TDP2: variants seen among roughly 807,000 people sequenced by gnomAD.
TDP2 encodes the protein tyrosyl-DNA phosphodiesterase 2, also known as 5'-Tyr-DNA phosphodiesterase.
In TDP2, 38 loss-of-function variants were observed where a neutral mutation model predicts 42.8. That is an observed-to-expected ratio of 0.89 (90% confidence interval 0.68 to 1.16). The LOEUF (loss-of-function observed/expected upper bound fraction) is 1.16. Ranked by LOEUF, TDP2 falls within the 50% of genes most tolerant of loss-of-function variation. TDP2 has a pLI of 0.00. For missense variants in TDP2, 439 were observed against 439.3 expected (o/e 1.00, Z 0.01); for synonymous variants, 173 against 150.6 (o/e 1.15, Z -1.09).
In TDP2 at chr6:24,653,142, T is replaced by G. The variant is rs149606674; in HGVS notation, c.648A>C (p.Ser216=). 41 of 1,614,048 alleles carry G rather than the reference T, an allele frequency of 2.5e-5. No individual in the cohort carries two copies. In the African/African-American group the frequency reaches 4.9e-4, roughly 19 times the overall value. The change falls in exon 6 of 7, where the codon TCA becomes TCC. Residue 216 remains serine, a synonymous_variant. Coordinates refer to ENST00000378198, the MANE Select transcript of TDP2 (RefSeq NM_016614.3). ...ATGTCATAAGGCAAAGCTCATTTCCTGACACGTTCACCTGCAGCAGGACAA... is the reference window on the plus strand; with the variant it reads ...ATGTCATAAGGCAAAGCTCATTTCCGGACACGTTCACCTGCAGCAGGACAA... ...RNLLCVHVNV[S]GNELCLMTSH...
At chr6:24,654,833 G>A (rs890718677) in intron 4 of TDP2, among the ~76,000 whole-genome samples, 1 of 152,118 alleles carries the variant, frequency 6.6e-6, no homozygotes, top group Non-Finnish European at 1.5e-5. Context: ...CTGAGGTCAG[G>A]AGTTTGAGAC....
At chr6:24,655,965 A>T (rs1222191465) in intron 4 of TDP2, among the ~76,000 whole-genome samples, 1 of 152,208 alleles carries the variant, frequency 6.6e-6, no homozygotes, top group African/African-American at 2.4e-5. Context: ...ACTAAACTGT[A>T]ATCAACATTT....
intron 6 of TDP2, 165 bp downstream of exon 6, chr6:24,652,818 T>C (rs1777995740): frequency 7.3e-6 from 5 of 685,770 alleles, no homozygotes; most frequent in Admixed American, 5.6e-5. Context: ...CTTCTTCCCC[T>C]AGGCATACAG....
chr6:24,665,710 A>G (rs1001636454), intron 2 of TDP2, among the ~76,000 whole-genome samples: 11 of 152,340 alleles, frequency 7.2e-5, no homozygotes, highest in African/African-American at 2.6e-4. Flanking sequence ...ATGAACAGCA[A>G]TTATAATACG....
intron 4 of TDP2, among the ~76,000 whole-genome samples, chr6:24,655,493 C>T (rs529456186): frequency 6.6e-5 from 10 of 152,258 alleles, no homozygotes; most frequent in Admixed American, 2.6e-4. Context: ...AAGAGGAGGG[C>T]CAGTTCAAGG....
intron 6 of TDP2, 131 bp from the exon 7 acceptor site, chr6:24,651,200 T>C: frequency 4.2e-6 from 3 of 716,644 alleles, no homozygotes; most frequent in Non-Finnish European, 4.5e-6. Context: ...AACAATGAGA[T>C]ACATTATAAA....
intron 2 of TDP2, among the ~76,000 whole-genome samples, chr6:24,663,893 A>C (rs951349133): frequency 6.6e-6 from 1 of 152,234 alleles, no homozygotes; most frequent in Non-Finnish European, 1.5e-5. Context: ...AACACCCACA[A>C]TATTTAATAT....
In TDP2 at chr6:24,651,088, C is replaced by T; in HGVS notation, c.808-19G>A. 5.1e-6 allele frequency: 8 copies of T among 1,575,034 alleles called. No homozygotes were observed. The highest frequency in any genetic ancestry group is 6.9e-6 in the Non-Finnish European group (8 of 1,152,814). ...TGGTAACCTGAAAAGAAGAAGAATACTCTCTAAGATACACATAGCCTTTTG... is the reference window on the plus strand; with the variant it reads ...TGGTAACCTGAAAAGAAGAAGAATATTCTCTAAGATACACATAGCCTTTTG... On this transcript the variant is annotated intron_variant, in intron 6 of 6. Coordinates refer to ENST00000378198, the MANE Select transcript of TDP2 (RefSeq NM_016614.3).
At chr6:24,665,305 GA>G (rs1778212666) in intron 2 of TDP2, among the ~76,000 whole-genome samples, 1 of 152,196 alleles carries the variant, frequency 6.6e-6, no homozygotes, top group Non-Finnish European at 1.5e-5. Context: ...TCCTAATTCT[GA>G]AACCAAGGAG....
At chr6:24,664,884 G>C (rs536360643) in intron 2 of TDP2, among the ~76,000 whole-genome samples, 8 of 152,238 alleles carry the variant, frequency 5.3e-5, no homozygotes, top group Admixed American at 4.6e-4. Flanking sequence ...TTACCATTCC[G>C]GGGTAAGAGA....
intron 4 of TDP2, among the ~76,000 whole-genome samples, chr6:24,656,782 C>A (rs1040722483): frequency 6.6e-6 from 1 of 152,124 alleles, no homozygotes; most frequent in African/African-American, 2.4e-5. Context: ...TACAAAGCTA[C>A]GACACAGACA....
chr6:24,651,070 C>T lies in TDP2; in HGVS notation c.808-1G>A. The T allele has an allele frequency of 6.2e-7, 1 of 1,607,470 alleles. No homozygotes were observed. The highest frequency in any genetic ancestry group is 1.1e-5 in the South Asian group (1 of 90,848). ...TGGGTAAACCACCACATCTGGTAAC[C>T]TGAAAAGAAGAAGAATACTCTCTAA... On this transcript the variant is annotated splice_acceptor_variant, in intron 6 of 6. Transcript: ENST00000378198. LOFTEE classifies it high-confidence loss of function.
At chr6:24,660,717 T>A (rs546210181) in intron 2 of TDP2, among the ~76,000 whole-genome samples, 1 of 152,234 alleles carries the variant, frequency 6.6e-6, no homozygotes, top group South Asian at 2.1e-4. Flanking sequence ...GCTACTAGTG[T>A]CCTAATCTAG....
In TDP2 at chr6:24,653,002, G is replaced by C; in HGVS notation, c.788C>G (p.Thr263Arg). The change falls in exon 6 of 7, where the codon ACA becomes AGA. Residue 263 changes from threonine (T) to arginine (R), a missense_variant. Coordinates refer to ENST00000378198, the MANE Select transcript of TDP2 (RefSeq NM_016614.3). ...ACTCACCTCTCGATCCCTTAGATTT[G>C]TATCTCCTGCAAATATAACTGTAGC... is the stretch of plus-strand genomic sequence containing the variant. ...ESATVIFAGD[T>R]NLRDREVTRC... The C allele has an allele frequency of 1.2e-6, 2 of 1,613,540 alleles. No homozygotes were observed. The highest frequency in any genetic ancestry group is 1.7e-5 in the Admixed American group (1 of 60,010).
At chr6:24,666,389 T>G (rs1778236461) in intron 2 of TDP2, 137 bp downstream of exon 2, 2 of 1,413,470 alleles carry the variant, frequency 1.4e-6, no homozygotes, top group African/African-American at 1.4e-5. Flanking sequence ...ACGCAAGCCC[T>G]GCTCCTCTGG....
In TDP2 at chr6:24,658,696, G is replaced by A. The variant is rs747049195; in HGVS notation, c.290C>T (p.Thr97Ile). 1 of 1,613,916 alleles carries A rather than the reference G, an allele frequency of 6.2e-7. No individual in the cohort carries two copies. The highest frequency in any genetic ancestry group is 1.7e-5 in the Admixed American group (1 of 60,010). Reference sequence around the variant, plus strand: ...ATCTTCAGATGGGCTGATTTTAGAAGTGGTGGAATCAGTTGTTTCTTCATT... The same window carrying A: ...ATCTTCAGATGGGCTGATTTTAGAAATGGTGGAATCAGTTGTTTCTTCATT... ...LTNEETTDST[T>I]SKISPSEDTQ... Residue 97 changes from threonine (T) to isoleucine (I), a missense_variant, in exon 3 of 7, where the codon ACT (threonine) becomes ATT (isoleucine). Physicochemically the swap from Thr to Ile is moderately conservative, Grantham distance 89. Transcript: ENST00000378198.
chr6:24,663,625 C>T (rs1719648592), intron 2 of TDP2, among the ~76,000 whole-genome samples: 1 of 152,270 alleles, frequency 6.6e-6, no homozygotes, highest in South Asian at 2.1e-4. Context: ...CTGAGTTCTT[C>T]TTGCAAGATC....
intron 2 of TDP2, among the ~76,000 whole-genome samples, chr6:24,662,941 T>C (rs925510089): frequency 6.6e-6 from 1 of 152,240 alleles, no homozygotes; most frequent in African/African-American, 2.4e-5. Context: ...TTTAAAAATA[T>C]ATATACTATC....
Position 24,650,674 on chromosome 6 carries a change from G to A in TDP2, c.*114C>T. The stretch of plus-strand genomic sequence containing the variant: ...AAAACACAACCATAAATCATAGTTG[G>A]TTTTTCTGTGACAATGATCTAGTAC... On this transcript the variant is annotated 3_prime_UTR_variant, in exon 7 of 7. Coordinates refer to ENST00000378198, the MANE Select transcript of TDP2 (RefSeq NM_016614.3). 3 of 1,036,112 alleles carry A rather than the reference G, an allele frequency of 2.9e-6. No individual in the cohort carries two copies. Among genetic ancestry groups the A allele is most frequent in the South Asian group, 3.2e-5 (2 of 61,650 alleles). 64.2% of individuals were successfully genotyped at this position (1,036,112 alleles called of 1,614,324 possible).
Sources: allele counts gnomAD v4.1 joint callset (sites outside exome capture counted in the v4.1 genomes callset), GRCh38; gene constraint gnomAD v4.1.1; transcripts MANE v1.5; gene names NCBI Gene and HGNC (gene_info 2026-07-23, HGNC 2026-07-21).